Variants in ILF2 observed in about 807,000 individuals in gnomAD.
ILF2 encodes the protein interleukin enhancer-binding factor 2.
Under a neutral mutation model 55.3 loss-of-function variants are expected in ILF2, and 9 were observed. The ratio of observed to expected loss-of-function variants is 0.16; its 90% CI spans 0.10 to 0.28. The LOEUF is 0.28. Among genes scored for constraint, ILF2 ranks in the 10% least tolerant of loss-of-function variants. The pLI is 1.00. For synonymous variants in ILF2, 151 were observed against 161.8 expected, an observed-to-expected ratio of 0.93 and a Z score of 0.50; for missense variants, 266 against 474.9, an observed-to-expected ratio of 0.56 and a Z score of 4.09.
At chr1:153,663,510 T>A (rs1343406862) in intron 10 of ILF2, among the ~76,000 whole-genome samples, 1 of 151,820 alleles carries the variant, frequency 6.6e-6, no homozygotes, top group Non-Finnish European at 1.5e-5. Flanking sequence ...TTTTTTTTTC[T>A]CTTGTAGAGA....
intron 2 of ILF2, 139 bp downstream of exon 2, chr1:153,670,032 T>C: frequency 1.8e-6 from 2 of 1,096,498 alleles, no homozygotes; most frequent in Non-Finnish European, 2.8e-6. Flanking sequence ...TGGGGCCAAA[T>C]TCATTTAACA....
chr1:153,665,593 A>C, intron 7 of ILF2, 70 bp downstream of exon 7: 2 of 1,285,848 alleles, frequency 1.6e-6, no homozygotes, highest in South Asian at 2.4e-5. Context: ...GATTTTGTTG[A>C]AAGTGTACTT....
Position 153,667,676 on chromosome 1 carries a change from CG to C in ILF2, c.292-20del. On this transcript the variant is annotated intron_variant, in intron 5 of 13. Coordinates refer to ENST00000361891, the MANE Select transcript of ILF2 (RefSeq NM_004515.4). ...CAATTTGCTGTTGGAAAAAGGATTT[CG>C]GGGAAAAACAATTTAGAAGAAAAAA... The C allele has an allele frequency of 1.9e-6, 3 of 1,544,548 alleles. No individual in the cohort carries two copies. The highest frequency in any genetic ancestry group is 1.1e-5 in the South Asian group (1 of 87,202).
intron 12 of ILF2, 42 bp from the exon 13 acceptor site, chr1:153,662,837 G>C (rs763098168): frequency 6.5e-7 from 1 of 1,530,084 alleles, no homozygotes; most frequent in Non-Finnish European, 9.1e-7. Flanking sequence ...AAAATCAAAG[G>C]ACCTTATTTG....
In ILF2 at chr1:153,664,449, G is replaced by A; in HGVS notation, c.603C>T (p.Ala201=). 1 of 1,613,990 alleles carries A rather than the reference G, an allele frequency of 6.2e-7. No individual in the cohort carries two copies. Among genetic ancestry groups the A allele is most frequent in the East Asian group, 2.2e-5 (1 of 44,886 alleles). ...AGCGGGCATGTCGGATGGCTGCTAA[G>A]GCACTCTGCAATACTTTGATATCCA... The part of the protein sequence containing the change: ...LHLDIKVLQS[A]LAAIRHARWF... The change falls in exon 9 of 14, where the codon GCC becomes GCT. Residue 201 remains alanine (A), a synonymous_variant. Transcript: ENST00000361891.
Position 153,662,050 on chromosome 1 carries a change from C to G in ILF2, c.*346G>C. ...AGACCAAGAGCCCTACTAGGAAGTACTTTAATAGTTTTTCTTAGAAAAAAA... is the reference window on the plus strand; with the variant it reads ...AGACCAAGAGCCCTACTAGGAAGTAGTTTAATAGTTTTTCTTAGAAAAAAA... On this transcript the variant is annotated 3_prime_UTR_variant, in exon 14 of 14. Transcript: ENST00000361891. 1 of 188,986 alleles carries G rather than the reference C, an allele frequency of 5.3e-6. No homozygotes were observed. Among genetic ancestry groups the G allele is most frequent in the Non-Finnish European group, 1.1e-5 (1 of 90,892 alleles). 11.7% of individuals were successfully genotyped at this position (188,986 alleles called of 1,614,324 possible).
intron 13 of ILF2, 23 bp downstream of exon 13, chr1:153,662,682 C>T: frequency 7.5e-6 from 12 of 1,605,744 alleles, no homozygotes; most frequent in Non-Finnish European, 1.0e-5. Flanking sequence ...ATACAAAACC[C>T]CTGACCCACA....
intron 4 of ILF2, 72 bp downstream of exon 4, chr1:153,668,381 C>T (rs542655746): frequency 6.4e-7 from 1 of 1,564,206 alleles, no homozygotes; most frequent in Non-Finnish European, 8.7e-7. Context: ...CTTAACCTTA[C>T]CAACAGTTAC....
Position 153,666,909 on chromosome 1 carries a change from G to A in ILF2, c.394+646C>T, listed in dbSNP as rs182470294. On this transcript the variant is annotated intron_variant, in intron 6 of 13. Transcript: ENST00000361891. ...GGCCAAGGCGGGCGGATCACCTGAG[G>A]TCAGGAGTTTGAGACCAGACTAGCT... 2.6e-5 allele frequency among the ~76,000 whole-genome samples: 4 copies of A among 151,044 alleles called. No individual in the cohort carries two copies. The East Asian group carries it at 7.9e-4, about 30-fold the overall frequency.
At chr1:153,670,148 A>C in intron 2 of ILF2, 23 bp downstream of exon 2, 1 of 1,611,500 alleles carries the variant, frequency 6.2e-7, no homozygotes, top group South Asian at 1.1e-5. Flanking sequence ...CCAAGTGCAG[A>C]GATGCTAAAA....
At position 153,665,748 on chromosome 1, in the gene ILF2, A is replaced by T. The variant is rs201466382; in HGVS notation, c.395-20T>A. 37 of 1,575,296 alleles carry T rather than the reference A, an allele frequency of 2.3e-5. 1 individual carries two copies. Among genetic ancestry groups the T allele is most frequent in the Non-Finnish European group, 8.7e-7 (1 of 1,152,150 alleles). ...CTTCCACTAATTGACAGAAAATGACATAATGTTATAATAATTTATTTGCCT... is the reference window on the plus strand; with the variant it reads ...CTTCCACTAATTGACAGAAAATGACTTAATGTTATAATAATTTATTTGCCT... On this transcript the variant is annotated intron_variant, in intron 6 of 13. Transcript: ENST00000361891.
intron 12 of ILF2, 76 bp from the exon 13 acceptor site, chr1:153,662,871 G>T: frequency 1.4e-6 from 2 of 1,380,798 alleles, no homozygotes; most frequent in Non-Finnish European, 2.1e-6. Flanking sequence ...TGAAAACAGA[G>T]ATTAAGACAG....
chr1:153,667,506 A>C (rs1557953157), intron 6 of ILF2, 49 bp downstream of exon 6: 4 of 1,280,472 alleles, frequency 3.1e-6, no homozygotes, highest in African/African-American at 2.9e-5. Flanking sequence ...CTAAACCCCT[A>C]ATCCAAGTGC....
chr1:153,669,998 G>A (rs1571337933), intron 2 of ILF2, 120 bp from the exon 3 acceptor site: 9 of 1,104,250 alleles, frequency 8.2e-6, no homozygotes, highest in South Asian at 1.3e-5. Context: ...TCTCCGGGGA[G>A]GGAAAGAATC....
Position 153,662,562 on chromosome 1 carries a change from A to T in ILF2, c.1013-6T>A. 1 of 1,613,108 alleles carries T rather than the reference A, an allele frequency of 6.2e-7. No homozygotes were observed. Among genetic ancestry groups the T allele is most frequent in the Non-Finnish European group, 8.5e-7 (1 of 1,179,200 alleles). ...AGATATTTCAGAAGCAAGATCTAGGAAAGAGAAAAAGGTGATTTAGACGAG... is the reference window on the plus strand; with the variant it reads ...AGATATTTCAGAAGCAAGATCTAGGTAAGAGAAAAAGGTGATTTAGACGAG... On this transcript the variant is annotated splice_region_variant and splice_polypyrimidine_tract_variant and intron_variant, in intron 13 of 13. Transcript: ENST00000361891.
At chr1:153,670,026 G>A in intron 2 of ILF2, 145 bp downstream of exon 2, 1 of 1,080,662 alleles carries the variant, frequency 9.3e-7, no homozygotes. Context: ...GCATAGTGGG[G>A]CCAAATTCAT....
chr1:153,668,311 A>T, intron 4 of ILF2, 142 bp downstream of exon 4: 1 of 1,071,568 alleles, frequency 9.3e-7, no homozygotes, highest in Non-Finnish European at 1.4e-6. Context: ...CTCCACCCAC[A>T]ATGAGAAATA....
At chr1:153,662,970 T>C (rs2101711547) in intron 12 of ILF2, 49 bp downstream of exon 12, 1 of 1,474,402 alleles carries the variant, frequency 6.8e-7, no homozygotes, top group East Asian at 2.3e-5. Flanking sequence ...TGAGCAGCAG[T>C]ATTCAAAAGA....
chr1:153,670,779 A>C (rs1319948031), intron 1 of ILF2, 139 bp downstream of exon 1: 10 of 1,028,102 alleles, frequency 9.7e-6, no homozygotes, highest in Non-Finnish European at 1.4e-5. Flanking sequence ...CTCTCCCACT[A>C]TCCTAGACCA....
Sources: allele counts gnomAD v4.1 joint callset (sites outside exome capture counted in the v4.1 genomes callset), GRCh38; gene constraint gnomAD v4.1.1; transcripts MANE v1.5; gene names NCBI Gene and HGNC (gene_info 2026-07-23, HGNC 2026-07-21).